The following SNX31 variants were observed in gnomAD, a reference collection of about 807,000 sequenced individuals.
SNX31 encodes sorting nexin 31.
A neutral mutation model predicts 65.4 loss-of-function variants in SNX31; 58 were observed. That is an observed-to-expected ratio of 0.89 (90% CI 0.72 to 1.10). The LOEUF is 1.10. SNX31 is among the 50% of genes least tolerant of loss of function. SNX31 has a pLI of 0.00. For missense variants in SNX31, 523 were observed against 529.7 expected (o/e 0.99, Z 0.12); for synonymous variants, 181 against 190.1 (o/e 0.95, Z 0.39).
intron 3 of SNX31, among the ~76,000 whole-genome samples, chr8:100,635,411 T>G (rs1346112353): frequency 6.6e-6 from 1 of 151,748 alleles, no homozygotes; most frequent in African/African-American, 2.4e-5. Flanking sequence ...GGCTAATTTT[T>G]AAAATTTTGT....
intron 10 of SNX31, among the ~76,000 whole-genome samples, chr8:100,595,314 G>T (rs4734464): frequency 0.2 from 24,753 of 125,334 alleles, 2,764 homozygotes; most frequent in African/African-American, 0.44. Context: ...GGAATTTGTT[G>T]TTTTTTTTTT....
intron 1 of SNX31, among the ~76,000 whole-genome samples, chr8:100,662,125 G>A (rs10955236): frequency 0.33 from 50,327 of 151,978 alleles, 9,104 homozygotes; most frequent in African/African-American, 0.47. Context: ...GTGCTCAGCC[G>A]TATTAAATCA....
chr8:100,641,032 G>A (rs1205426210), intron 2 of SNX31, among the ~76,000 whole-genome samples: 2 of 152,086 alleles, frequency 1.3e-5, no homozygotes, highest in Non-Finnish European at 2.9e-5. Context: ...AGGAAACTGT[G>A]GATTATATGG....
chr8:100,611,852 G>C (rs748473408), intron 7 of SNX31, 148 bp downstream of exon 7: 6 of 640,948 alleles, frequency 9.4e-6, no homozygotes, highest in Non-Finnish European at 1.1e-5. Context: ...CACAGCACCT[G>C]GCCTTCATTG....
At chr8:100,631,136 A>G (rs968715145) in intron 3 of SNX31, among the ~76,000 whole-genome samples, 1 of 152,174 alleles carries the variant, frequency 6.6e-6, no homozygotes, top group Non-Finnish European at 1.5e-5. Context: ...TACCAAAAAA[A>G]AGCAATGATA....
chr8:100,604,994 G>T lies in SNX31; in HGVS notation c.681+3500C>A, dbSNP rs1203889072. Among the ~76,000 whole-genome samples, 2 of 152,070 alleles carry T rather than the reference G, an allele frequency of 1.3e-5. No individual in the cohort carries two copies. Among genetic ancestry groups the T allele is most frequent in the African/African-American group, 4.8e-5 (2 of 41,398 alleles). On this transcript the variant is annotated intron_variant, in intron 8 of 13. Transcript: ENST00000311812. The surrounding 1 kb of genome is among the most constrained non-coding windows in gnomAD (Gnocchi z 4.3). ...GCTCCCTGCAACCTCTGCCTCCTGGGTTCAAGAGATTCTCCTGCCTCGGCC... is the reference window on the plus strand; with the variant it reads ...GCTCCCTGCAACCTCTGCCTCCTGGTTTCAAGAGATTCTCCTGCCTCGGCC...
At chr8:100,628,425 A>C (rs531332946) in intron 4 of SNX31, among the ~76,000 whole-genome samples, 1 of 152,266 alleles carries the variant, frequency 6.6e-6, no homozygotes, top group South Asian at 2.1e-4. Flanking sequence ...AAATGATGAG[A>C]TCATATCCTT....
At chr8:100,643,328 C>G (rs912214171) in intron 2 of SNX31, among the ~76,000 whole-genome samples, 2 of 152,146 alleles carry the variant, frequency 1.3e-5, no homozygotes, top group Non-Finnish European at 2.9e-5. Context: ...CTACTTCCCC[C>G]ACCTTACTGC....
intron 10 of SNX31, among the ~76,000 whole-genome samples, chr8:100,589,240 G>A (rs889929115): frequency 6.7e-6 from 1 of 149,638 alleles, no homozygotes; most frequent in African/African-American, 2.5e-5. Flanking sequence ...GACAGAGGTT[G>A]CAGTGAGCCG....
intron 3 of SNX31, among the ~76,000 whole-genome samples, chr8:100,632,291 T>A (rs1435286115): frequency 6.6e-6 from 1 of 152,142 alleles, no homozygotes; most frequent in Admixed American, 6.5e-5. Flanking sequence ...AACATTTTGC[T>A]AAGACACGAG....
intron 8 of SNX31, among the ~76,000 whole-genome samples, chr8:100,607,791 A>G (rs1030592811): frequency 1.3e-5 from 2 of 152,234 alleles, no homozygotes; most frequent in African/African-American, 2.4e-5. Flanking sequence ...ATATATACCT[A>G]CTATGTACCA....
intron 8 of SNX31, among the ~76,000 whole-genome samples, chr8:100,605,660 C>A (rs747615790): frequency 6.6e-5 from 10 of 152,200 alleles, no homozygotes; most frequent in Non-Finnish European, 1.3e-4. Context: ...GAGCAAGGGA[C>A]AGAATTCATT....
intron 3 of SNX31, among the ~76,000 whole-genome samples, chr8:100,632,674 T>C (rs1818489168): frequency 6.6e-6 from 1 of 151,992 alleles, no homozygotes; most frequent in Admixed American, 6.5e-5. Flanking sequence ...CAAGCTGGAG[T>C]GCAGTTGCTC....
rs1816951286 is a variant in SNX31 at position 100,613,994 on chromosome 8, C to CA, written c.433-910dup. 6.6e-6 allele frequency among the ~76,000 whole-genome samples: 1 copy of CA among 152,218 alleles called. No individual in the cohort carries two copies. The highest frequency in any genetic ancestry group is 1.5e-5 in the Non-Finnish European group (1 of 68,044). On this transcript the variant is annotated intron_variant, in intron 5 of 13. Coordinates refer to ENST00000311812, the MANE Select transcript of SNX31 (RefSeq NM_152628.4). The surrounding 1 kb of genome is among the most constrained non-coding windows in gnomAD (Gnocchi z 5.2). The stretch of plus-strand genomic sequence containing the variant: ...CCACGACTCCCAGTTCTCTAGGTGG[C>CA]AGTTGTACAAATACCAGGCTCACAG...
At chr8:100,635,529 C>A (rs1325293433) in intron 3 of SNX31, among the ~76,000 whole-genome samples, 2 of 148,930 alleles carry the variant, frequency 1.3e-5, no homozygotes, top group East Asian at 3.9e-4. Flanking sequence ...GTGTGAGCCA[C>A]CATGCCCAGC....
intron 1 of SNX31, among the ~76,000 whole-genome samples, chr8:100,657,221 G>A (rs1198031193): frequency 6.6e-6 from 1 of 152,154 alleles, no homozygotes; most frequent in Non-Finnish European, 1.5e-5. Flanking sequence ...GGGAGGCCGA[G>A]GCAGGCGGAT....
chr8:100,633,205 A>C (rs1367960631), intron 3 of SNX31, among the ~76,000 whole-genome samples: 1 of 151,950 alleles, frequency 6.6e-6, no homozygotes, highest in Non-Finnish European at 1.5e-5. Context: ...CTGGAATTGC[A>C]GGCATGAGCT....
chr8:100,632,967 C>T (rs55823530), intron 3 of SNX31, among the ~76,000 whole-genome samples: 17,923 of 152,086 alleles, frequency 0.12, 1,151 homozygotes, highest in South Asian at 0.2. Context: ...CTCTGTTGCC[C>T]AGCATGGAGT....
intron 2 of SNX31, among the ~76,000 whole-genome samples, chr8:100,646,146 A>G (rs62513898): frequency 0.13 from 20,020 of 152,174 alleles, 1,806 homozygotes; most frequent in African/African-American, 0.26. Context: ...CAAAAGGCAG[A>G]TTCATAGGAG....
Sources: gnomAD v4.1 joint callset for allele counts (sites outside exome capture counted in the v4.1 genomes callset) on GRCh38, gnomAD v4.1.1 for gene constraint, Gnocchi (gnomAD v3.1) non-coding constraint, MANE v1.5 for transcripts, NCBI Gene and HGNC (gene_info 2026-07-23, HGNC 2026-07-21) for gene names.